MYO9A: variants seen among roughly 807,000 people sequenced by gnomAD.
MYO9A encodes myosin IXA, also known as unconventional myosin-IXa.
MYO9A carries 103 observed loss-of-function variants against 293.3 expected under a neutral mutation model. That is an observed-to-expected ratio of 0.35 (90% CI 0.30 to 0.41). The LOEUF is 0.41. Ranked by LOEUF, MYO9A falls within the 10% of genes least tolerant of loss-of-function variation. The pLI is 1.00. For missense variants in MYO9A, 2,685 were observed against 3,033.0 expected (o/e 0.89, Z 2.69); for synonymous variants, 1,001 against 1,035.7 (o/e 0.97, Z 0.64).
intron 1 of MYO9A, among the ~76,000 whole-genome samples, chr15:72,081,521 T>C (rs1381547565): frequency 6.6e-6 from 1 of 152,166 alleles, no homozygotes; most frequent in African/African-American, 2.4e-5. Context: ...GTTAATAGTT[T>C]CTTTTGCTGT....
rs1456726063 is a variant in MYO9A, at chr15:71,822,381, A to G, written c.*4199T>C. The G allele has an allele frequency of 2.0e-5, 3 of 152,270 alleles. No homozygotes were observed. The South Asian group carries it at 6.2e-4, about 32-fold the overall frequency. 9.4% of individuals were successfully genotyped at this position (152,270 alleles called of 1,614,324 possible). A position where few individuals can be genotyped will look rare whatever the true frequency, so the allele number is the denominator to read the frequency against. On this transcript the variant is annotated 3_prime_UTR_variant, in exon 42 of 42. Transcript: ENST00000356056. Reference sequence around the variant, plus strand: ...AGCCATACAGTGCATATTTTGAGTGACACAAACTGCACTTTATACAGATGG... The same window carrying G: ...AGCCATACAGTGCATATTTTGAGTGGCACAAACTGCACTTTATACAGATGG...
intron 37 of MYO9A, 89 bp downstream of exon 37, chr15:71,851,164 G>A (rs2055631340): frequency 1.0e-6 from 1 of 989,358 alleles, no homozygotes; most frequent in Non-Finnish European, 1.5e-6. Context: ...ATAAATACCT[G>A]TCAGTCTTCC....
chr15:71,951,838 G>T lies in MYO9A; in HGVS notation c.2241C>A (p.Leu747=), dbSNP rs140167191. The stretch of plus-strand genomic sequence containing the variant: ...AGCTCCTCTGGTGGACTGGGTGTTG[G>T]AGAAAGCTAAAACTATCCATACTTT... ...ILKSMDSFSF[L]QHPVHQRSLE... The change falls in exon 15 of 42, where the codon CTC becomes CTA. Residue 747 remains leucine (L), a synonymous_variant. Coordinates refer to ENST00000356056, the MANE Select transcript of MYO9A (RefSeq NM_006901.4). 8 of 1,613,154 alleles carry T rather than the reference G, an allele frequency of 5.0e-6. No homozygotes were observed. The highest frequency in any genetic ancestry group is 6.8e-6 in the Non-Finnish European group (8 of 1,179,776).
intron 39 of MYO9A, among the ~76,000 whole-genome samples, chr15:71,842,965 T>C (rs2055226903): frequency 1.3e-5 from 2 of 151,966 alleles, no homozygotes; most frequent in African/African-American, 4.8e-5. Context: ...AATGTTAGAC[T>C]CTTTTAGTTA....
At chr15:72,061,664 G>T (rs1192917065) in intron 1 of MYO9A, among the ~76,000 whole-genome samples, 1 of 151,728 alleles carries the variant, frequency 6.6e-6, no homozygotes, top group Non-Finnish European at 1.5e-5. Context: ...CACCAGCTCA[G>T]CCACAGAAAA....
intron 3 of MYO9A, among the ~76,000 whole-genome samples, chr15:72,031,311 C>T (rs1201443022): frequency 3.3e-5 from 5 of 152,032 alleles, no homozygotes; most frequent in African/African-American, 4.8e-5. Flanking sequence ...CACAGTGAAA[C>T]AGCATCTCTA....
At position 72,048,011 on chromosome 15, in the gene MYO9A, T is replaced by C. The variant is rs149278176; in HGVS notation, c.-71-1377A>G. On this transcript the variant is annotated intron_variant, in intron 1 of 41. Coordinates refer to ENST00000356056, the MANE Select transcript of MYO9A (RefSeq NM_006901.4). Reference sequence around the variant, plus strand: ...CTATCTATCCTCTCATACTACTACATATTTGTCAAAGTCTTCTAATCAAGA... The same window carrying C: ...CTATCTATCCTCTCATACTACTACACATTTGTCAAAGTCTTCTAATCAAGA... Among the ~76,000 whole-genome samples, 35 of 151,894 alleles carry C rather than the reference T, an allele frequency of 2.3e-4. No individual in the cohort carries two copies. In the East Asian group the frequency reaches 6.8e-3, roughly 30 times the overall value.
At chr15:71,840,160 T>C (rs1294593985) in intron 39 of MYO9A, among the ~76,000 whole-genome samples, 1 of 152,254 alleles carries the variant, frequency 6.6e-6, no homozygotes, top group Non-Finnish European at 1.5e-5. Context: ...GTGGAGTCTG[T>C]TGTAACTGGA....
chr15:72,103,617 CAGA>C (rs1403975681), intron 1 of MYO9A, among the ~76,000 whole-genome samples: 2 of 131,222 alleles, frequency 1.5e-5, no homozygotes, highest in Admixed American at 1.7e-4. Context: ...GAAGAAGCAA[CAGA>C]AGAAGCAGAA....
At chr15:71,849,950 C>CATTCACTATTTTATGAACCT in intron 38 of MYO9A, 86 bp downstream of exon 38, 1 of 1,507,128 alleles carries the variant, frequency 6.6e-7, no homozygotes, top group Non-Finnish European at 9.2e-7. Flanking sequence ...TTTATGAACC[C>CATTCACTATTTTATGAACCT]ATTCACTATG....
intron 25 of MYO9A, among the ~76,000 whole-genome samples, chr15:71,895,563 T>C (rs2057298868): frequency 6.6e-6 from 1 of 152,206 alleles, no homozygotes; most frequent in African/African-American, 2.4e-5. Flanking sequence ...TGACCTTATC[T>C]GTAACATGTG....
chr15:71,854,309 C>A (rs977247040), intron 35 of MYO9A, 68 bp downstream of exon 35: 8 of 1,232,494 alleles, frequency 6.5e-6, no homozygotes, highest in Non-Finnish European at 8.7e-6. Context: ...GTAATGAAAA[C>A]TTTAAGAGCA....
At chr15:72,114,823 A>G (rs2080910013) in intron 1 of MYO9A, among the ~76,000 whole-genome samples, 2 of 152,228 alleles carry the variant, frequency 1.3e-5, no homozygotes, top group African/African-American at 2.4e-5. Flanking sequence ...GTCTTTGACT[A>G]ATATTTATTT....
chr15:71,989,160 G>T (rs2076476663), intron 11 of MYO9A, among the ~76,000 whole-genome samples: 1 of 151,956 alleles, frequency 6.6e-6, no homozygotes, highest in Non-Finnish European at 1.5e-5. Context: ...ATAGTGCTGG[G>T]ATTACAGGTG....
At chr15:72,017,038 T>G (rs1232674438) in intron 6 of MYO9A, among the ~76,000 whole-genome samples, 6 of 105,762 alleles carry the variant, frequency 5.7e-5, no homozygotes, top group South Asian at 3.5e-4. Flanking sequence ...TTTTTTTTTT[T>G]GAAATAGAGT....
chr15:71,980,114 G>A (rs1317921946), intron 11 of MYO9A, among the ~76,000 whole-genome samples: 18 of 151,996 alleles, frequency 1.2e-4, no homozygotes, highest in Admixed American at 8.5e-4. Flanking sequence ...CCACAACACT[G>A]GGATTATAGG....
Position 71,893,026 on chromosome 15 carries a change from G to T in MYO9A, c.5142+653C>A, listed in dbSNP as rs2057224309. Reference sequence around the variant, plus strand: ...GGGTGCAGGCCCTAGCTCACAGTGAGAAGCTTGGTCAAGGGAGAGAAGGGG... The same window carrying T: ...GGGTGCAGGCCCTAGCTCACAGTGATAAGCTTGGTCAAGGGAGAGAAGGGG... On this transcript the variant is annotated intron_variant, in intron 26 of 41. Transcript: ENST00000356056. 2.3e-6 allele frequency: 3 copies of T among 1,289,696 alleles called. 1 individual carries two copies. In the South Asian group the frequency reaches 3.7e-5, roughly 16 times the overall value. 79.9% of individuals were successfully genotyped at this position (1,289,696 alleles called of 1,614,324 possible).
At position 71,826,624 on chromosome 15, in the gene MYO9A, T is replaced by G; in HGVS notation, c.7603A>C (p.Asn2535His). 4 of 1,609,560 alleles carry G rather than the reference T, an allele frequency of 2.5e-6. No individual in the cohort carries two copies. Among genetic ancestry groups the G allele is most frequent in the Non-Finnish European group, 3.4e-6 (4 of 1,178,900 alleles). Residue 2535 changes from asparagine (N) to histidine (H), a missense_variant, in exon 42 of 42, where the codon AAC becomes CAC. Asn to His is a moderately conservative substitution (Grantham distance 68). Coordinates refer to ENST00000356056, the MANE Select transcript of MYO9A (RefSeq NM_006901.4). ...TTTCCAAAGAGTGCTAGCTGTTGGT[T>G]GGAGGTGCAGTCTGGGTCCACAGTT... is the stretch of plus-strand genomic sequence containing the variant. ...RKTVDPDCTSNQQLALFGNNE... is the reference protein window; with the variant it reads ...RKTVDPDCTSHQQLALFGNNE...
rs374266605 is a variant in MYO9A at position 71,922,804 on chromosome 15, T to C, written c.2563-6312A>G. On this transcript the variant is annotated intron_variant, in intron 18 of 41. Coordinates refer to ENST00000356056, the MANE Select transcript of MYO9A (RefSeq NM_006901.4). ...GTACAAATATCAAGCACTAAATAAT[T>C]GATAATTACTAATGTACTTAACATT... is the stretch of plus-strand genomic sequence containing the variant. 2.5e-4 allele frequency among the ~76,000 whole-genome samples: 38 copies of C among 152,332 alleles called. No homozygotes were observed. In the East Asian group the frequency reaches 6.4e-3, roughly 25 times the overall value.
Sources: allele counts gnomAD v4.1 joint callset (sites outside exome capture counted in the v4.1 genomes callset), GRCh38; gene constraint gnomAD v4.1.1; transcripts MANE v1.5; gene names NCBI Gene and HGNC (gene_info 2026-07-23, HGNC 2026-07-21).